Variants in PTPRN2 observed in about 807,000 individuals in gnomAD.
PTPRN2 encodes protein tyrosine phosphatase receptor type N2, also known as receptor-type tyrosine-protein phosphatase N2.
PTPRN2 carries 74 observed loss-of-function variants against 118.8 expected under a neutral mutation model. That is an observed-to-expected ratio of 0.62 (90% CI 0.52 to 0.76). PTPRN2 has a LOEUF of 0.76. Ranked by LOEUF, PTPRN2 falls within the 30% of genes least tolerant of loss-of-function variation. The pLI, the probability that PTPRN2 is intolerant of heterozygous loss-of-function variation, is 0.00. For missense variants in PTPRN2, 1,481 were observed against 1,394.4 expected (o/e 1.06, Z -0.99); for synonymous variants, 641 against 608.0 (o/e 1.05, Z -0.80).
At chr7:158,256,006 G>A (rs1278133239) in intron 3 of PTPRN2, among the ~76,000 whole-genome samples, 1 of 152,206 alleles carries the variant, frequency 6.6e-6, no homozygotes, top group Non-Finnish European at 1.5e-5. Flanking sequence ...GAGAGCCAGT[G>A]CTGACTCCAG....
chr7:157,727,985 T>A (rs1325291438), intron 12 of PTPRN2, among the ~76,000 whole-genome samples: 1 of 152,170 alleles, frequency 6.6e-6, no homozygotes, highest in East Asian at 1.9e-4. Flanking sequence ...CTATGGGGCA[T>A]CTGTGGGCCC....
In PTPRN2 at chr7:157,870,548, T is replaced by C. The variant is rs576397098; in HGVS notation, c.1788+28125A>G. Among the ~76,000 whole-genome samples the C allele has an allele frequency of 6.6e-5, 10 of 152,392 alleles. No individual in the cohort carries two copies. In the South Asian group the frequency reaches 8.3e-4, roughly 13 times the overall value. The stretch of plus-strand genomic sequence containing the variant: ...GATAGGGGCTCTTTTCAAACTGATA[T>C]ATTCTCTTCCTAGCCTTAAACTAGA... On this transcript the variant is annotated intron_variant, in intron 12 of 22. Coordinates refer to ENST00000389418, the MANE Select transcript of PTPRN2 (RefSeq NM_002847.5).
At chr7:157,563,773 C>G (rs534567607) in intron 21 of PTPRN2, among the ~76,000 whole-genome samples, 2 of 150,486 alleles carry the variant, frequency 1.3e-5, no homozygotes, top group Non-Finnish European at 3.0e-5. Flanking sequence ...ATCAGGACCA[C>G]GTGCTCCCAC....
chr7:158,569,533 C>T (rs1262158375), intron 1 of PTPRN2, among the ~76,000 whole-genome samples: 2 of 152,216 alleles, frequency 1.3e-5, no homozygotes, highest in African/African-American at 2.4e-5. Context: ...GGGTCCTGCT[C>T]TCAGGGTCCT....
intron 22 of PTPRN2, among the ~76,000 whole-genome samples, chr7:157,545,455 G>A (rs774182184): frequency 6.6e-6 from 1 of 151,374 alleles, no homozygotes; most frequent in Non-Finnish European, 1.5e-5. Context: ...AGGTGTGTGG[G>A]TGTGCAGTGT....
chr7:158,325,939 C>A (rs1283301255), intron 2 of PTPRN2, among the ~76,000 whole-genome samples: 2 of 152,248 alleles, frequency 1.3e-5, no homozygotes, highest in Admixed American at 6.5e-5. Context: ...AGTCTCACAG[C>A]AGCTCCCTGG....
Position 157,938,761 on chromosome 7 carries a change from G to A in PTPRN2, c.1724-40024C>T, listed in dbSNP as rs951661919. Among the ~76,000 whole-genome samples the A allele has an allele frequency of 4.6e-5, 7 of 152,324 alleles. No homozygotes were observed. In the East Asian group the frequency reaches 1.3e-3, roughly 29 times the overall value. ...TCCTTGTAGTACACTAAGCATGATT[G>A]TTTTTGAGTAAAAAGAACCACCCTT... On this transcript the variant is annotated intron_variant, in intron 11 of 22. Coordinates refer to ENST00000389418, the MANE Select transcript of PTPRN2 (RefSeq NM_002847.5).
At chr7:158,107,622 G>C (rs1395518058) in intron 10 of PTPRN2, among the ~76,000 whole-genome samples, 3 of 151,924 alleles carry the variant, frequency 2.0e-5, no homozygotes, top group Non-Finnish European at 2.9e-5. Context: ...GCATCACACT[G>C]TGTAGATCAA....
intron 11 of PTPRN2, among the ~76,000 whole-genome samples, chr7:158,031,858 G>A (rs963162095): frequency 6.6e-6 from 1 of 152,280 alleles, no homozygotes; most frequent in African/African-American, 2.4e-5. Flanking sequence ...GCCTCAGGAA[G>A]ATGCATTAAT....
intron 1 of PTPRN2, among the ~76,000 whole-genome samples, chr7:158,548,349 C>T (rs1346455934): frequency 6.6e-6 from 1 of 152,198 alleles, no homozygotes; most frequent in African/African-American, 2.4e-5. Context: ...CATGCACTGC[C>T]ACCGAGGTCA....
chr7:158,053,726 ATG>A (rs1809507460), intron 11 of PTPRN2, among the ~76,000 whole-genome samples: 1 of 151,936 alleles, frequency 6.6e-6, no homozygotes, highest in Admixed American at 6.5e-5. Flanking sequence ...GACCCCAGAG[ATG>A]CAGAGACCCT....
At chr7:158,148,778 A>C (rs867469857) in intron 6 of PTPRN2, among the ~76,000 whole-genome samples, 64 of 31,728 alleles carry the variant, frequency 2.0e-3, no homozygotes, top group South Asian at 4.5e-3. Context: ...TTCCCCCTCA[A>C]TGACACCCCA....
chr7:158,225,917 A>C (rs151000571), intron 3 of PTPRN2, among the ~76,000 whole-genome samples: 10 of 41,836 alleles, frequency 2.4e-4, no homozygotes, highest in African/African-American at 9.4e-4. Flanking sequence ...GAACAGAGGG[A>C]GGGGAGTTGC....
At chr7:158,318,395 C>T (rs973966415) in intron 2 of PTPRN2, among the ~76,000 whole-genome samples, 6 of 152,214 alleles carry the variant, frequency 3.9e-5, no homozygotes, top group Admixed American at 2.6e-4. Flanking sequence ...CTGGGCAGCA[C>T]GTCGAGACGG....
chr7:157,793,726 C>A (rs979371447), intron 12 of PTPRN2, among the ~76,000 whole-genome samples: 1 of 152,180 alleles, frequency 6.6e-6, no homozygotes, highest in Non-Finnish European at 1.5e-5. Flanking sequence ...CCCAGGGCCA[C>A]GTATAGATCC....
chr7:157,829,827 C>T (rs150529581), intron 12 of PTPRN2, among the ~76,000 whole-genome samples: 58 of 152,342 alleles, frequency 3.8e-4, no homozygotes, highest in African/African-American at 8.4e-4. Flanking sequence ...GGCGGCAACA[C>T]GTTTGTCCCT....
Position 157,929,273 on chromosome 7 carries a change from C to T in PTPRN2, c.1724-30536G>A, listed in dbSNP as rs1399734444. On this transcript the variant is annotated intron_variant, in intron 11 of 22. Coordinates refer to ENST00000389418, the MANE Select transcript of PTPRN2 (RefSeq NM_002847.5). The surrounding 1 kb of genome is among the most constrained non-coding windows in gnomAD (Gnocchi z 4.4). ...TCCCCAGTACGCCGTGGCAGCCTGC[C>T]ATCCGCTCTCTGCTCCTCTGACTAC... Among the ~76,000 whole-genome samples, 1 of 152,150 alleles carries T rather than the reference C, an allele frequency of 6.6e-6. No homozygotes were observed. The highest frequency in any genetic ancestry group is 2.4e-5 in the African/African-American group (1 of 41,430).
chr7:158,067,401 T>A (rs1385134883), intron 11 of PTPRN2, among the ~76,000 whole-genome samples: 2 of 152,148 alleles, frequency 1.3e-5, no homozygotes, highest in East Asian at 3.9e-4. Context: ...GGACTGCAGC[T>A]GTGAGTGGTA....
intron 21 of PTPRN2, among the ~76,000 whole-genome samples, chr7:157,552,396 C>T (rs544471408): frequency 1.6e-4 from 25 of 152,104 alleles, no homozygotes; most frequent in East Asian, 1.2e-3. Flanking sequence ...AGCTCAGAAA[C>T]GGGGAAATGT....
Sources: allele counts gnomAD v4.1 joint callset (sites outside exome capture counted in the v4.1 genomes callset), GRCh38; gene constraint gnomAD v4.1.1; non-coding constraint Gnocchi (gnomAD v3.1); transcripts MANE v1.5; gene names NCBI Gene and HGNC (gene_info 2026-07-23, HGNC 2026-07-21).